The following TG variants were observed in gnomAD, a reference collection of about 807,000 sequenced individuals.
TG encodes the protein thyroglobulin.
TG carries 270 observed loss-of-function variants against 324.7 expected under a neutral mutation model. The ratio of observed to expected loss-of-function variants is 0.83; its 90% CI spans 0.75 to 0.92. The LOEUF (loss-of-function observed/expected upper bound fraction) is 0.92. Ranked by LOEUF, TG falls within the 40% of genes least tolerant of loss-of-function variation. TG has a pLI of 0.00. For synonymous variants in TG, 1,401 were observed against 1,327.0 expected, an observed-to-expected ratio of 1.06 and a Z score of -1.21; for missense variants, 3,591 against 3,456.4, an observed-to-expected ratio of 1.04 and a Z score of -0.98.
chr8:132,990,734 A>G (rs1832213170), intron 35 of TG, among the ~76,000 whole-genome samples: 1 of 152,148 alleles, frequency 6.6e-6, no homozygotes. Flanking sequence ...AACTGTGTCC[A>G]TTTTCCAGAT....
intron 43 of TG, among the ~76,000 whole-genome samples, chr8:133,113,087 G>C (rs1850398549): frequency 6.6e-6 from 1 of 152,188 alleles, no homozygotes; most frequent in African/African-American, 2.4e-5. Context: ...TCGGGGGTTT[G>C]ACCTGTTCTC....
intron 43 of TG, among the ~76,000 whole-genome samples, chr8:133,103,620 A>G (rs1849532293): frequency 6.6e-6 from 1 of 152,214 alleles, no homozygotes; most frequent in African/African-American, 2.4e-5. Flanking sequence ...TCTGATTTTA[A>G]AAGAAATTAG....
At chr8:132,883,022 C>T in intron 8 of TG, 23 bp downstream of exon 8, 1 of 1,609,620 alleles carries the variant, frequency 6.2e-7, no homozygotes, top group Non-Finnish European at 8.5e-7. Flanking sequence ...TGGGGGCTTC[C>T]TCTTTCGGCC....
chr8:133,091,716 G>C (rs965416394), intron 41 of TG, among the ~76,000 whole-genome samples: 3 of 152,000 alleles, frequency 2.0e-5, no homozygotes, highest in Admixed American at 2.0e-4. Context: ...CTGCACTTAT[G>C]TGAGTGTGTG....
At chr8:132,920,652 A>G (rs1218724927) in intron 21 of TG, among the ~76,000 whole-genome samples, 1 of 152,200 alleles carries the variant, frequency 6.6e-6, no homozygotes, top group Non-Finnish European at 1.5e-5. Flanking sequence ...AAGAAGATTA[A>G]TGTAGTGTGC....
At chr8:133,042,678 CTTTTTTT>C (rs58739514) in intron 41 of TG, among the ~76,000 whole-genome samples, 14 of 56,768 alleles carry the variant, frequency 2.5e-4, no homozygotes, top group African/African-American at 8.3e-4. Context: ...CATTCTGTGT[CTTTTTTT>C]TTTTTTTTTT....
intron 3 of TG, 101 bp downstream of exon 3, chr8:132,869,927 C>A: frequency 2.0e-6 from 2 of 981,640 alleles, no homozygotes; most frequent in South Asian, 2.9e-5. Flanking sequence ...CAGGTCCTCC[C>A]TCTGGGCTGC....
intron 34 of TG, among the ~76,000 whole-genome samples, chr8:132,978,786 G>A (rs925474279): frequency 6.6e-6 from 1 of 152,192 alleles, no homozygotes; most frequent in African/African-American, 2.4e-5. Flanking sequence ...CAGCCTCAGA[G>A]GCAGAGACCT....
intron 25 of TG, among the ~76,000 whole-genome samples, chr8:132,940,059 G>T (rs1824222468): frequency 1.3e-5 from 2 of 152,162 alleles, no homozygotes; most frequent in Non-Finnish European, 2.9e-5. Context: ...AGCTTGGGAG[G>T]CTGAGGATCC....
At chr8:133,068,888 C>A (rs761711201) in intron 41 of TG, among the ~76,000 whole-genome samples, 1 of 152,268 alleles carries the variant, frequency 6.6e-6, no homozygotes, top group Non-Finnish European at 1.5e-5. Context: ...CTCTGTTGGA[C>A]CAGAACAAAT....
intron 45 of TG, among the ~76,000 whole-genome samples, chr8:133,125,708 T>G (rs528596378): frequency 1.3e-5 from 2 of 152,142 alleles, no homozygotes; most frequent in Non-Finnish European, 2.9e-5. Context: ...ATAGTTTCCA[T>G]GGAAATTCAT....
intron 26 of TG, among the ~76,000 whole-genome samples, chr8:132,945,246 G>T (rs2702995): frequency 0.52 from 78,893 of 151,862 alleles, 21,887 homozygotes; most frequent in Non-Finnish European, 0.61. Flanking sequence ...TGGTATCCTG[G>T]GCTAGGGCTA....
intron 41 of TG, among the ~76,000 whole-genome samples, chr8:133,068,856 G>A (rs1329399169): frequency 6.6e-6 from 1 of 152,280 alleles, no homozygotes; most frequent in Non-Finnish European, 1.5e-5. Flanking sequence ...GTGAGGTGGG[G>A]CACCACCCAG....
chr8:133,087,876 C>T (rs1846847046), intron 41 of TG: 1 of 152,154 alleles, frequency 6.6e-6, no homozygotes, highest in African/African-American at 2.4e-5. Flanking sequence ...GAAATGAAAA[C>T]CTGGGGCCAG....
At chr8:133,020,636 A>G (rs1054160816) in intron 39 of TG, among the ~76,000 whole-genome samples, 2 of 152,090 alleles carry the variant, frequency 1.3e-5, no homozygotes, top group African/African-American at 4.8e-5. Context: ...ATCCACAGCC[A>G]CCAAGTGGTG....
chr8:133,059,551 TC>T (rs1253248469), intron 41 of TG, among the ~76,000 whole-genome samples: 2 of 152,034 alleles, frequency 1.3e-5, no homozygotes, highest in Non-Finnish European at 2.9e-5. Flanking sequence ...ATTAGGCTCT[TC>T]CCCCGAGAAT....
intron 11 of TG, among the ~76,000 whole-genome samples, chr8:132,894,169 C>G (rs145070074): frequency 1.3e-5 from 2 of 152,126 alleles, no homozygotes; most frequent in Non-Finnish European, 2.9e-5. Flanking sequence ...TCAGATGGCA[C>G]CTGCCGCTCC....
At chr8:133,017,199 A>G (rs976717022) in intron 37 of TG, among the ~76,000 whole-genome samples, 1 of 151,732 alleles carries the variant, frequency 6.6e-6, no homozygotes, top group Non-Finnish European at 1.5e-5. Context: ...CACTAATGAG[A>G]TGTAAATGTG....
intron 38 of TG, 48 bp from the exon 39 acceptor site, chr8:133,019,554 G>A (rs777581845): frequency 7.3e-6 from 11 of 1,516,944 alleles, no homozygotes; most frequent in African/African-American, 5.5e-5. Flanking sequence ...GGGTGGGGAG[G>A]GGTGGTGATG....
Sources: gnomAD v4.1 joint callset for allele counts (sites outside exome capture counted in the v4.1 genomes callset) on GRCh38, gnomAD v4.1.1 for gene constraint, MANE v1.5 for transcripts, NCBI Gene and HGNC (gene_info 2026-07-23, HGNC 2026-07-21) for gene names.